SRBD1: variants seen among roughly 807,000 people sequenced by gnomAD.
SRBD1 encodes S1 RNA binding domain 1.
SRBD1 carries 88 observed loss-of-function variants against 115.3 expected under a neutral mutation model. The ratio of observed to expected loss-of-function variants is 0.76; its 90% CI spans 0.64 to 0.91. The LOEUF (loss-of-function observed/expected upper bound fraction) is 0.91, where lower values mean the gene tolerates loss of function less well. SRBD1 is among the 40% of genes least tolerant of loss of function. The probability of loss-of-function intolerance (pLI) is 0.00; values close to 1 mark genes in which losing one functional copy is unlikely to be tolerated. For missense variants in SRBD1, 1,385 were observed against 1,177.4 expected, an observed-to-expected ratio of 1.18 and a Z score of -2.58; for synonymous variants, 509 against 407.7, an observed-to-expected ratio of 1.25 and a Z score of -2.99.
intron 10 of SRBD1, among the ~76,000 whole-genome samples, chr2:45,555,801 CT>C (rs1233373788): frequency 2.0e-5 from 3 of 152,046 alleles, no homozygotes; most frequent in Admixed American, 1.3e-4. Context: ...CCATTAAACT[CT>C]TTTCTCTGCT....
intron 16 of SRBD1, among the ~76,000 whole-genome samples, chr2:45,453,356 C>T (rs916392338): frequency 4.0e-5 from 6 of 151,672 alleles, no homozygotes; most frequent in Admixed American, 3.3e-4. Context: ...TCCTTGGTGG[C>T]CCCTCCAGAG....
intron 14 of SRBD1, among the ~76,000 whole-genome samples, chr2:45,519,819 C>G (rs542761110): frequency 1.9e-4 from 29 of 152,092 alleles, no homozygotes; most frequent in Non-Finnish European, 4.0e-4. Flanking sequence ...TCTAAGTACT[C>G]GCATATGTTA....
intron 14 of SRBD1, among the ~76,000 whole-genome samples, chr2:45,531,876 G>C (rs1416955739): frequency 6.6e-6 from 1 of 151,706 alleles, no homozygotes; most frequent in Non-Finnish European, 1.5e-5. Context: ...AGAATAAACA[G>C]GCTGGAAGTT....
chr2:45,556,078 A>G (rs2104076787), intron 10 of SRBD1, among the ~76,000 whole-genome samples: 1 of 152,350 alleles, frequency 6.6e-6, no homozygotes, highest in South Asian at 2.1e-4. Flanking sequence ...CAAAGATTAC[A>G]TAATAGCAAC....
At chr2:45,438,160 C>T (rs552128525) in intron 16 of SRBD1, among the ~76,000 whole-genome samples, 12 of 152,078 alleles carry the variant, frequency 7.9e-5, no homozygotes, top group Non-Finnish European at 1.3e-4. Flanking sequence ...CTGTTGCGAA[C>T]CTAAAACTGC....
intron 4 of SRBD1, among the ~76,000 whole-genome samples, chr2:45,589,656 G>C (rs1193066827): frequency 3.3e-5 from 5 of 152,184 alleles, no homozygotes; most frequent in Non-Finnish European, 7.3e-5. Context: ...TATGTTATGG[G>C]AGTGTACAGT....
intron 14 of SRBD1, among the ~76,000 whole-genome samples, chr2:45,496,063 A>G (rs1040760210): frequency 2.6e-5 from 4 of 152,336 alleles, no homozygotes; most frequent in East Asian, 1.9e-4. Context: ...TTTCAAGTGC[A>G]CCTTCATTCA....
intron 19 of SRBD1, among the ~76,000 whole-genome samples, chr2:45,394,329 G>A (rs1377420470): frequency 6.6e-6 from 1 of 152,100 alleles, no homozygotes; most frequent in Admixed American, 6.6e-5. Flanking sequence ...GTGAATACTG[G>A]GCTGTAGCTT....
chr2:45,421,308 C>A (rs867104755), intron 16 of SRBD1, among the ~76,000 whole-genome samples: 4 of 151,796 alleles, frequency 2.6e-5, no homozygotes, highest in Admixed American at 2.0e-4. Context: ...AAGATCGACA[C>A]CATTCTGGCT....
chr2:45,454,072 G>C (rs1300780768), intron 16 of SRBD1, among the ~76,000 whole-genome samples: 1 of 151,906 alleles, frequency 6.6e-6, no homozygotes, highest in Non-Finnish European at 1.5e-5. Flanking sequence ...TGCTACAAAA[G>C]GAAAAAGCGT....
intron 18 of SRBD1, among the ~76,000 whole-genome samples, chr2:45,414,635 T>G (rs1305981918): frequency 1.3e-4 from 9 of 67,462 alleles, no homozygotes; most frequent in Non-Finnish European, 3.3e-4. Flanking sequence ...AGTGTGTATA[T>G]AGTGTGTATA....
intron 16 of SRBD1, among the ~76,000 whole-genome samples, chr2:45,464,554 T>G (rs1558412852): frequency 6.6e-6 from 1 of 152,188 alleles, no homozygotes; most frequent in Non-Finnish European, 1.5e-5. Context: ...CACAAAGCAT[T>G]CTATCACAAA....
At chr2:45,421,146 C>T (rs929026899) in intron 16 of SRBD1, among the ~76,000 whole-genome samples, 1 of 152,062 alleles carries the variant, frequency 6.6e-6, no homozygotes, top group Admixed American at 6.6e-5. Context: ...CATGATTTAC[C>T]ACAGGGACAA....
intron 14 of SRBD1, among the ~76,000 whole-genome samples, chr2:45,540,814 A>C (rs1671910114): frequency 6.6e-6 from 1 of 152,240 alleles, no homozygotes; most frequent in Non-Finnish European, 1.5e-5. Context: ...AACCACAATG[A>C]GATATCACTA....
At chr2:45,414,076 T>A (rs1246657396) in intron 18 of SRBD1, among the ~76,000 whole-genome samples, 1 of 152,190 alleles carries the variant, frequency 6.6e-6, no homozygotes, top group Non-Finnish European at 1.5e-5. Context: ...GGAATCAGAC[T>A]AGCATCAGAT....
intron 15 of SRBD1, among the ~76,000 whole-genome samples, chr2:45,481,401 G>A (rs952646856): frequency 1.2e-4 from 19 of 152,016 alleles, no homozygotes; most frequent in African/African-American, 4.3e-4. Context: ...CTCAGGAAAA[G>A]GGAGTCTAAT....
intron 14 of SRBD1, among the ~76,000 whole-genome samples, chr2:45,525,944 T>C (rs1334540850): frequency 6.6e-6 from 1 of 152,056 alleles, no homozygotes; most frequent in Admixed American, 6.6e-5. Context: ...CCCATTAAGA[T>C]GGTTAAACCC....
intron 14 of SRBD1, among the ~76,000 whole-genome samples, chr2:45,542,216 C>A (rs1671964463): frequency 6.6e-6 from 1 of 152,236 alleles, no homozygotes; most frequent in African/African-American, 2.4e-5. Context: ...GTCAGCACTG[C>A]CTCGAGTGCA....
intron 9 of SRBD1, among the ~76,000 whole-genome samples, chr2:45,571,620 A>G (rs745702654): frequency 6.6e-6 from 1 of 151,772 alleles, no homozygotes; most frequent in Non-Finnish European, 1.5e-5. Flanking sequence ...GCTGAATTCA[A>G]GAAAATCATG....
Sources: gnomAD v4.1 joint callset for allele counts (sites outside exome capture counted in the v4.1 genomes callset) on GRCh38, gnomAD v4.1.1 for gene constraint, MANE v1.5 for transcripts, NCBI Gene and HGNC (gene_info 2026-07-23, HGNC 2026-07-21) for gene names.